The following INPP5A variants were observed in gnomAD, a reference collection of about 807,000 sequenced individuals.
INPP5A encodes inositol polyphosphate-5-phosphatase A, also known as 43 kDa inositol polyphosphate 5-phophatase.
A neutral mutation model predicts 65.2 loss-of-function variants in INPP5A; 14 were observed. That is an observed-to-expected ratio of 0.21 (90% CI 0.14 to 0.34). The LOEUF (loss-of-function observed/expected upper bound fraction) is 0.34, where lower values mean the gene tolerates loss of function less well. Ranked by LOEUF, INPP5A falls within the 10% of genes least tolerant of loss-of-function variation. The pLI is 1.00. For missense variants in INPP5A, 431 were observed against 545.6 expected (o/e 0.79, Z 2.09); for synonymous variants, 207 against 208.3 (o/e 0.99, Z 0.05).
At chr10:132,633,144 G>A (rs1287857612) in intron 2 of INPP5A, among the ~76,000 whole-genome samples, 2 of 152,150 alleles carry the variant, frequency 1.3e-5, no homozygotes, top group African/African-American at 4.8e-5. Context: ...GTCCCTGGCT[G>A]CCTTTTGTGG....
chr10:132,636,290 G>C (rs992203112), intron 2 of INPP5A, among the ~76,000 whole-genome samples: 1 of 152,022 alleles, frequency 6.6e-6, no homozygotes, highest in Non-Finnish European at 1.5e-5. Flanking sequence ...TACTTCTTCC[G>C]TGAAACAGCT....
chr10:132,654,990 C>A (rs2072634775), intron 4 of INPP5A, among the ~76,000 whole-genome samples: 1 of 152,200 alleles, frequency 6.6e-6, no homozygotes, highest in Non-Finnish European at 1.5e-5. Flanking sequence ...AGGCTGGGCG[C>A]GGTGGCTCAC....
intron 9 of INPP5A, among the ~76,000 whole-genome samples, chr10:132,734,551 TG>T: frequency 6.6e-6 from 1 of 152,148 alleles, no homozygotes; most frequent in African/African-American, 2.4e-5. Context: ...TCTGGGTGGG[TG>T]AGTGTCCCAC....
Position 132,545,321 on chromosome 10 carries a change from G to A in INPP5A, c.75+7150G>A, listed in dbSNP as rs975247820. 1.3e-5 allele frequency among the ~76,000 whole-genome samples: 2 copies of A among 152,154 alleles called. No individual in the cohort carries two copies. Among genetic ancestry groups the A allele is most frequent in the South Asian group, 2.1e-4 (1 of 4,816 alleles). On this transcript the variant is annotated intron_variant, in intron 1 of 15. Transcript: ENST00000368594. The surrounding 1 kb of genome is among the most constrained non-coding windows in gnomAD (Gnocchi z 4.6). ...TCAAATTTAGAGCCCCTCTGTCCAG[G>A]GGCTAGAGGGGCATTCGGAAGACTT...
intron 12 of INPP5A, among the ~76,000 whole-genome samples, chr10:132,768,991 C>T (rs1034154970): frequency 3.3e-5 from 5 of 152,192 alleles, no homozygotes; most frequent in African/African-American, 7.2e-5. Context: ...GGGGAGAGCC[C>T]GCACCTGCTG....
chr10:132,765,984 G>A (rs563739308), intron 12 of INPP5A, 138 bp downstream of exon 12: 271 of 670,486 alleles, frequency 4.0e-4, no homozygotes, highest in Non-Finnish European at 6.3e-4. Flanking sequence ...TGCATCCAGA[G>A]TGTGTGTACC....
intron 1 of INPP5A, among the ~76,000 whole-genome samples, chr10:132,578,562 G>C (rs949001581): frequency 7.5e-5 from 11 of 145,770 alleles, no homozygotes; most frequent in Non-Finnish European, 1.4e-4. Context: ...GGGACTGGAG[G>C]GGCTCTGTCA....
At chr10:132,665,065 C>G (rs2072784832) in intron 4 of INPP5A, among the ~76,000 whole-genome samples, 1 of 152,232 alleles carries the variant, frequency 6.6e-6, no homozygotes, top group African/African-American at 2.4e-5. Flanking sequence ...GCAGGTCCCT[C>G]AAGGCCAAGC....
chr10:132,562,172 C>T (rs905248397), intron 1 of INPP5A, among the ~76,000 whole-genome samples: 5 of 152,250 alleles, frequency 3.3e-5, no homozygotes, highest in Admixed American at 2.0e-4. Context: ...TGGGGCCTGG[C>T]GTCCTCCTCC....
chr10:132,547,256 C>G lies in INPP5A; in HGVS notation c.75+9085C>G, dbSNP rs567588929. Among the ~76,000 whole-genome samples the G allele has an allele frequency of 6.6e-6, 1 of 152,168 alleles. No homozygotes were observed. Among genetic ancestry groups the G allele is most frequent in the Admixed American group, 6.5e-5 (1 of 15,282 alleles). ...GGTGGCTCAGGGTGGTCAGGGAGGG[C>G]GTGGCTGTCACATGGTTTCTGGACT... On this transcript the variant is annotated intron_variant, in intron 1 of 15. Transcript: ENST00000368594. This position sits in a 1 kb window ranked among gnomAD's most constrained non-coding sequence, Gnocchi z 5.5.
intron 12 of INPP5A, among the ~76,000 whole-genome samples, chr10:132,769,222 C>T (rs1481428078): frequency 1.3e-5 from 2 of 152,208 alleles, no homozygotes; most frequent in East Asian, 3.8e-4. Context: ...TGTCATTTTG[C>T]CAGAAAAGGT....
intron 8 of INPP5A, among the ~76,000 whole-genome samples, chr10:132,719,934 C>T (rs1291673457): frequency 6.7e-6 from 1 of 149,228 alleles, no homozygotes; most frequent in Non-Finnish European, 1.5e-5. Context: ...CCTTAGACGG[C>T]TGTCTTCAGG....
At chr10:132,772,369 C>T (rs1443148317) in intron 12 of INPP5A, among the ~76,000 whole-genome samples, 1 of 82,598 alleles carries the variant, frequency 1.2e-5, no homozygotes, top group Non-Finnish European at 2.7e-5. Flanking sequence ...AAGAGTGGGA[C>T]GGACACTCAG....
At chr10:132,579,779 GA>G (rs1354128147) in intron 1 of INPP5A, among the ~76,000 whole-genome samples, 2 of 152,026 alleles carry the variant, frequency 1.3e-5, no homozygotes, top group Non-Finnish European at 2.9e-5. Flanking sequence ...CCGGAAGATT[GA>G]GCAGGTTTTT....
At chr10:132,602,736 G>A (rs2071792925) in intron 1 of INPP5A, among the ~76,000 whole-genome samples, 1 of 152,142 alleles carries the variant, frequency 6.6e-6, no homozygotes, top group African/African-American at 2.4e-5. Context: ...GCCCAGGCTG[G>A]GCCTACCAGT....
intron 1 of INPP5A, among the ~76,000 whole-genome samples, chr10:132,553,422 G>A (rs2071080310): frequency 7.0e-6 from 1 of 142,450 alleles, no homozygotes; most frequent in East Asian, 2.2e-4. Context: ...AGTAGGATAG[G>A]GAGGGAGGAC....
chr10:132,744,467 C>T (rs540100021), intron 9 of INPP5A, among the ~76,000 whole-genome samples: 2 of 152,142 alleles, frequency 1.3e-5, no homozygotes, highest in Non-Finnish European at 1.5e-5. Context: ...TCGGTGTCAG[C>T]GGACATCCCG....
At position 132,538,779 on chromosome 10, in the gene INPP5A, C is replaced by G. The variant is rs1025817562; in HGVS notation, c.75+608C>G. On this transcript the variant is annotated intron_variant, in intron 1 of 15. Coordinates refer to ENST00000368594, the MANE Select transcript of INPP5A (RefSeq NM_005539.5). The surrounding 1 kb of genome is among the most constrained non-coding windows in gnomAD (Gnocchi z 4.1). ...CTGAAACATAACCACAAACCCTAAC[C>G]CAGGAACTTCTGACACAGGGCTGTG... is the stretch of plus-strand genomic sequence containing the variant. Among the ~76,000 whole-genome samples, 1 of 152,166 alleles carries G rather than the reference C, an allele frequency of 6.6e-6. No individual in the cohort carries two copies. Among genetic ancestry groups the G allele is most frequent in the Admixed American group, 6.5e-5 (1 of 15,272 alleles).
At chr10:132,713,026 G>A (rs1476388606) in intron 8 of INPP5A, among the ~76,000 whole-genome samples, 1 of 151,536 alleles carries the variant, frequency 6.6e-6, no homozygotes, top group African/African-American at 2.4e-5. Flanking sequence ...GTGTATGTAT[G>A]TATGTGTGCG....
Sources: allele counts gnomAD v4.1 joint callset (sites outside exome capture counted in the v4.1 genomes callset), GRCh38; gene constraint gnomAD v4.1.1; non-coding constraint Gnocchi (gnomAD v3.1); transcripts MANE v1.5; gene names NCBI Gene and HGNC (gene_info 2026-07-23, HGNC 2026-07-21).